BRD7: variants seen among roughly 807,000 people sequenced by gnomAD.
BRD7 encodes bromodomain containing 7, also known as bromodomain-containing protein 7.
In BRD7, 15 loss-of-function variants were observed where a neutral mutation model predicts 82.1. The observed-to-expected ratio is 0.18, with a 90% CI of 0.12 to 0.28. BRD7 has a LOEUF of 0.28. Among genes scored for constraint, BRD7 ranks in the 10% least tolerant of loss-of-function variants. The pLI is 1.00. For synonymous variants in BRD7, 232 were observed against 266.9 expected (o/e 0.87, Z 1.27); for missense variants, 638 against 779.9 (o/e 0.82, Z 2.17).
chr16:50,333,121 C>T (rs8058373), intron 8 of BRD7, among the ~76,000 whole-genome samples: 2,459 of 152,166 alleles, frequency 0.016, 75 homozygotes, highest in African/African-American at 0.056. Flanking sequence ...TGTATGTACC[C>T]CTTGAATCTA....
At chr16:50,322,869 G>C (rs2037177785) in intron 12 of BRD7, among the ~76,000 whole-genome samples, 1 of 152,222 alleles carries the variant, frequency 6.6e-6, no homozygotes, top group African/African-American at 2.4e-5. Flanking sequence ...TTTTACAGCA[G>C]TCATCGTTGG....
chr16:50,323,315 C>T (rs2037196358), intron 12 of BRD7, among the ~76,000 whole-genome samples: 1 of 152,232 alleles, frequency 6.6e-6, no homozygotes, highest in African/African-American at 2.4e-5. Flanking sequence ...GGACACAATG[C>T]CCACTGACTT....
chr16:50,354,667 T>C, intron 3 of BRD7, 126 bp downstream of exon 3: 1 of 1,340,182 alleles, frequency 7.5e-7, no homozygotes, highest in Admixed American at 2.4e-5. Flanking sequence ...CTTATGCAGT[T>C]TGAGAGAAAA....
intron 3 of BRD7, 38 bp downstream of exon 3, chr16:50,354,755 C>G (rs547082718): frequency 6.3e-7 from 1 of 1,586,752 alleles, no homozygotes; most frequent in Admixed American, 1.8e-5. Flanking sequence ...TGATTTCAGC[C>G]TCCTCATTCA....
chr16:50,333,272 G>T (rs1204008862), intron 8 of BRD7, among the ~76,000 whole-genome samples: 3 of 152,158 alleles, frequency 2.0e-5, no homozygotes, highest in Non-Finnish European at 2.9e-5. Flanking sequence ...TCCAGTAAAA[G>T]AGGGTAAGAT....
chr16:50,368,347 G>A lies in BRD7; in HGVS notation c.50-49C>T, dbSNP rs1169451068. On this transcript the variant is annotated intron_variant, in intron 1 of 16. Transcript: ENST00000394688. ...AGGAAAGCGCGTCGATTAAAATCGG[G>A]GCTCTCCAGGGAGTGCTAAGGATGC... 5 of 1,582,298 alleles carry A rather than the reference G, an allele frequency of 3.2e-6. No homozygotes were observed. The Admixed American group carries it at 8.7e-5, about 28-fold the overall frequency.
At chr16:50,368,705 G>A (rs1477838047) in intron 1 of BRD7, 21 bp downstream of exon 1, 1 of 1,546,174 alleles carries the variant, frequency 6.5e-7, no homozygotes, top group Admixed American at 1.9e-5. Context: ...CCCGCCGCCC[G>A]CACCCCGGCC....
chr16:50,341,469 C>T (rs1042088201), intron 5 of BRD7, among the ~76,000 whole-genome samples: 11 of 151,382 alleles, frequency 7.3e-5, no homozygotes, highest in African/African-American at 2.2e-4. Flanking sequence ...GGTGAAACCC[C>T]GTCTCTACTA....
chr16:50,335,366 C>G (rs2037754361), intron 6 of BRD7, among the ~76,000 whole-genome samples: 1 of 152,232 alleles, frequency 6.6e-6, no homozygotes, highest in South Asian at 2.1e-4. Context: ...GCATTTCACT[C>G]TGTGTGAAAA....
intron 2 of BRD7, among the ~76,000 whole-genome samples, chr16:50,359,872 G>C (rs1440042828): frequency 1.3e-5 from 2 of 152,140 alleles, no homozygotes; most frequent in Non-Finnish European, 2.9e-5. Flanking sequence ...GGTGGAGGTA[G>C]GTGTGTGGGA....
In BRD7 at chr16:50,350,032, T is replaced by C. The variant is rs2038455443; in HGVS notation, c.582A>G (p.Glu194=). 1 of 1,578,328 alleles carries C rather than the reference T, an allele frequency of 6.3e-7. No individual in the cohort carries two copies. The highest frequency in any genetic ancestry group is 8.6e-7 in the Non-Finnish European group (1 of 1,168,794). The stretch of plus-strand genomic sequence containing the variant: ...AGGATTGAAGAGTTACCTTTAGTTC[T>C]TCTATGGACTGATAGTCATTGTTCT... ...KIKNNDYQSI[E]ELKDNFKLMC... The change falls in exon 5 of 17, where the codon GAA becomes GAG. Residue 194 remains glutamate, a synonymous_variant. Transcript: ENST00000394688.
intron 5 of BRD7, among the ~76,000 whole-genome samples, chr16:50,348,115 C>A (rs1401411793): frequency 6.6e-6 from 1 of 152,196 alleles, no homozygotes; most frequent in African/African-American, 2.4e-5. Flanking sequence ...CACACATCTA[C>A]AACCATCTGA....
At chr16:50,348,858 A>C (rs567257030) in intron 5 of BRD7, among the ~76,000 whole-genome samples, 2 of 152,338 alleles carry the variant, frequency 1.3e-5, no homozygotes, top group South Asian at 4.1e-4. Context: ...CGATTCCTCA[A>C]GGATCTAGAA....
chr16:50,338,654 G>A (rs1053187004), intron 6 of BRD7, among the ~76,000 whole-genome samples: 1 of 152,020 alleles, frequency 6.6e-6, no homozygotes, highest in Non-Finnish European at 1.5e-5. Flanking sequence ...CTATCTTGTG[G>A]TTCTTTTTCA....
intron 1 of BRD7, 192 bp downstream of exon 1, chr16:50,368,534 C>G (rs1386692901): frequency 4.2e-6 from 3 of 708,944 alleles, no homozygotes; most frequent in Non-Finnish European, 6.4e-6. Context: ...CCCACCGGAC[C>G]AGGGGGACCC....
chr16:50,367,745 G>A (rs1209638552), intron 2 of BRD7, among the ~76,000 whole-genome samples: 1 of 152,146 alleles, frequency 6.6e-6, no homozygotes. Flanking sequence ...GATCCCACTC[G>A]CTTCTGAAAT....
intron 13 of BRD7, among the ~76,000 whole-genome samples, chr16:50,321,205 G>A (rs772681299): frequency 6.6e-6 from 1 of 152,054 alleles, no homozygotes; most frequent in African/African-American, 2.4e-5. Flanking sequence ...TACACTTCCC[G>A]GGTCTTCTCC....
chr16:50,358,325 G>C (rs1484929409), intron 2 of BRD7, among the ~76,000 whole-genome samples: 1 of 152,152 alleles, frequency 6.6e-6, no homozygotes, highest in Non-Finnish European at 1.5e-5. Context: ...AGGAGTTCGA[G>C]GCCAGCCTAG....
rs2037733658 is a variant in BRD7, at chr16:50,334,913, T to C, written c.703-18A>G. 6.2e-7 allele frequency: 1 copy of C among 1,603,996 alleles called. No individual in the cohort carries two copies. Among genetic ancestry groups the C allele is most frequent in the South Asian group, 1.1e-5 (1 of 89,880 alleles). ...ATTCTTTCCTAAACATATTCGAAAA[T>C]ATTCTTATTATATGTTTGTCATTAA... On this transcript the variant is annotated intron_variant, in intron 6 of 16. Coordinates refer to ENST00000394688, the MANE Select transcript of BRD7 (RefSeq NM_013263.5).
Sources: gnomAD v4.1 joint callset for allele counts (sites outside exome capture counted in the v4.1 genomes callset) on GRCh38, gnomAD v4.1.1 for gene constraint, MANE v1.5 for transcripts, NCBI Gene and HGNC (gene_info 2026-07-23, HGNC 2026-07-21) for gene names.